PCLO: variants seen among roughly 807,000 people sequenced by gnomAD.
PCLO encodes the protein protein piccolo.
In PCLO, 82 loss-of-function variants were observed where a neutral mutation model predicts 427.5. That is an observed-to-expected ratio of 0.19 (90% CI 0.16 to 0.23). PCLO has a LOEUF of 0.23. Among genes scored for constraint, PCLO ranks in the 10% least tolerant of loss-of-function variants. The pLI is 1.00. For synonymous variants in PCLO, 2,357 were observed against 2,155.4 expected (o/e 1.09, Z -2.59); for missense variants, 6,239 against 6,115.9 (o/e 1.02, Z -0.67).
chr7:82,966,102 G>A lies in PCLO; in HGVS notation c.3686C>T (p.Ser1229Phe). 1 of 1,608,380 alleles carries A rather than the reference G, an allele frequency of 6.2e-7. No individual in the cohort carries two copies. The highest frequency in any genetic ancestry group is 8.5e-7 in the Non-Finnish European group (1 of 1,178,538). ...TTCTAGGAGTGGCTTTTTTTCTTCA[G>A]AACGTATCTTTTCTTCTTCAGGGAT... ...KLIPEEEKIRSEEKKPLLEEK... is the reference protein window; with the variant it reads ...KLIPEEEKIRFEEKKPLLEEK... Residue 1229 changes from serine to phenylalanine, a missense_variant, in exon 4 of 25, where the codon TCT becomes TTT. By Grantham distance (155) the Ser-to-Phe change is radical (BLOSUM62 -2). This residue lies in a region of PCLO where 4,677 missense variants were observed against 4,468.4 expected (regional missense o/e 1.05). Coordinates refer to ENST00000333891, the MANE Select transcript of PCLO (RefSeq NM_033026.6).
At chr7:82,851,703 G>A (rs1165697536) in intron 10 of PCLO, among the ~76,000 whole-genome samples, 1 of 151,732 alleles carries the variant, frequency 6.6e-6, no homozygotes, top group Non-Finnish European at 1.5e-5. Context: ...TATTAATCAC[G>A]ACTATAGGTT....
At chr7:82,940,621 A>C (rs1795059298) in intron 6 of PCLO, among the ~76,000 whole-genome samples, 1 of 152,052 alleles carries the variant, frequency 6.6e-6, no homozygotes, top group Non-Finnish European at 1.5e-5. Context: ...TTACTCCCTC[A>C]AGAGTTATTT....
At position 82,794,459 on chromosome 7, in the gene PCLO, C is replaced by CTTTTTTTT. The variant is rs778108792; in HGVS notation, c.15007+7051_15007+7058dup. On this transcript the variant is annotated intron_variant, in intron 22 of 24. Transcript: ENST00000333891. The stretch of plus-strand genomic sequence containing the variant: ...ACATGCTAGTTCATAAATTTTTTTT[C>CTTTTTTTT]TTTTTTTTTTTTTTTTTTTTTTTTT... Among the ~76,000 whole-genome samples, 16 of 56,360 alleles carry CTTTTTTTT rather than the reference C, an allele frequency of 2.8e-4. 1 individual carries two copies. The highest frequency in any genetic ancestry group is 5.9e-4 in the East Asian group (1 of 1,684). 37.0% of individuals were successfully genotyped at this position (56,360 alleles called of 152,430 possible). A position where few individuals can be genotyped will look rare whatever the true frequency, so the allele number is the denominator to read the frequency against.
chr7:83,017,057 A>T (rs887030055), intron 3 of PCLO, among the ~76,000 whole-genome samples: 5 of 152,132 alleles, frequency 3.3e-5, no homozygotes, highest in Admixed American at 6.6e-5. Flanking sequence ...GAAAGGGGAA[A>T]ATCTTTCCAA....
rs117904973 is a variant in PCLO at position 82,842,143 on chromosome 7, C to A, written c.14047-634G>T. 6.0e-4 allele frequency among the ~76,000 whole-genome samples: 92 copies of A among 152,206 alleles called. 4 individuals carry two copies. The East Asian group carries it at 0.017, about 29-fold the overall frequency. On this transcript the variant is annotated intron_variant, in intron 13 of 24. Transcript: ENST00000333891. ...TTATGCTACTTGATTTCAAAATCTA[C>A]TACAAAGCTATAGTAATCAAAGCAG... is the stretch of plus-strand genomic sequence containing the variant.
At chr7:82,972,789 G>C (rs946672540) in intron 3 of PCLO, among the ~76,000 whole-genome samples, 7 of 151,898 alleles carry the variant, frequency 4.6e-5, no homozygotes, top group Non-Finnish European at 1.0e-4. Context: ...ACTGGTTTTC[G>C]TTTATCTATT....
intron 6 of PCLO, among the ~76,000 whole-genome samples, chr7:82,942,016 T>A (rs1223967102): frequency 1.3e-5 from 2 of 152,030 alleles, no homozygotes; most frequent in African/African-American, 2.4e-5. Context: ...CTATCTCTAC[T>A]AAAAATACAA....
At position 82,950,566 on chromosome 7, in the gene PCLO, T is replaced by A; in HGVS notation, c.10022A>T (p.Tyr3341Phe). ...TTEQAILEGQ[Y>F]AALEGSQFWA... ...AAATTGACTGCCTTCCAGAGCAGCA[T>A]ACTGACCTTCCAAAATTGCCTGCTC... is the stretch of plus-strand genomic sequence containing the variant. The change falls in exon 6 of 25, where the codon TAT becomes TTT. Residue 3341 changes from tyrosine (Y) to phenylalanine (F), a missense_variant. Tyr to Phe is a conservative substitution (Grantham distance 22, BLOSUM62 3). Coordinates refer to ENST00000333891, the MANE Select transcript of PCLO (RefSeq NM_033026.6). 6.2e-7 allele frequency: 1 copy of A among 1,613,820 alleles called. No homozygotes were observed. The highest frequency in any genetic ancestry group is 1.1e-5 in the South Asian group (1 of 91,082).
rs114620544 is a variant in PCLO at position 82,904,941 on chromosome 7, T to C, written c.13438-2200A>G. Among the ~76,000 whole-genome samples the C allele has an allele frequency of 7.9e-3, 1,208 of 152,206 alleles. 22 individuals are homozygous for C. The highest frequency in any genetic ancestry group is 0.026 in the African/African-American group (1,094 of 41,550). On this transcript the variant is annotated intron_variant, in intron 8 of 24. Transcript: ENST00000333891. ...AAAGCTGCCATAATTATGATCAATA[T>C]GACCAAAAGTCTATCTGTCTTCCAT...
In PCLO at chr7:82,954,355, T is replaced by C. The variant is rs745771726; in HGVS notation, c.6598A>G (p.Ile2200Val). 1 of 1,613,844 alleles carries C rather than the reference T, an allele frequency of 6.2e-7. No individual in the cohort carries two copies. The highest frequency in any genetic ancestry group is 2.2e-5 in the East Asian group (1 of 44,862). ...SVCTTDSSSP[I>V]TTLDSITTVY... Reference sequence around the variant, plus strand: ...GTGGTTATGCTATCCAGGGTAGTAATGGGTGAAGAGCTATCTGTGGTACAG... The same window carrying C: ...GTGGTTATGCTATCCAGGGTAGTAACGGGTGAAGAGCTATCTGTGGTACAG... The change falls in exon 5 of 25, where the codon ATT becomes GTT. Residue 2200 changes from isoleucine to valine, a missense_variant. Coordinates refer to ENST00000333891, the MANE Select transcript of PCLO (RefSeq NM_033026.6).
intron 19 of PCLO, 135 bp downstream of exon 19, chr7:82,824,101 A>G (rs988422754): frequency 1.7e-6 from 1 of 587,532 alleles, no homozygotes; most frequent in African/African-American, 1.9e-5. Context: ...CACTCTTTGC[A>G]TGACATTATA....
At chr7:82,992,619 C>A (rs2115851406) in intron 3 of PCLO, among the ~76,000 whole-genome samples, 1 of 152,010 alleles carries the variant, frequency 6.6e-6, no homozygotes, top group Admixed American at 6.6e-5. Flanking sequence ...GGAAGGAGAG[C>A]ATTAGGACAA....
chr7:83,076,639 TG>T (rs1444916697), intron 3 of PCLO, among the ~76,000 whole-genome samples: 3,975 of 131,344 alleles, frequency 0.03, 182 homozygotes, highest in African/African-American at 0.1. Flanking sequence ...TTTTTTTTTT[TG>T]CAGTTTTTTT....
At chr7:82,972,321 C>T (rs1053129023) in intron 3 of PCLO, among the ~76,000 whole-genome samples, 2 of 152,006 alleles carry the variant, frequency 1.3e-5, no homozygotes, top group Non-Finnish European at 2.9e-5. Flanking sequence ...TGCCACTCAG[C>T]ATTTTTCCAT....
chr7:83,073,559 C>A (rs1360344609), intron 3 of PCLO, among the ~76,000 whole-genome samples: 1 of 151,836 alleles, frequency 6.6e-6, no homozygotes, highest in Non-Finnish European at 1.5e-5. Flanking sequence ...CTTCAATTAC[C>A]AAGAAAGAAC....
chr7:83,102,227 T>C (rs1412226221), intron 3 of PCLO, among the ~76,000 whole-genome samples: 2 of 151,958 alleles, frequency 1.3e-5, no homozygotes, highest in African/African-American at 4.8e-5. Context: ...AATTATCAAC[T>C]CCTGCAATTA....
chr7:82,856,830 C>T (rs1213672038), intron 10 of PCLO, among the ~76,000 whole-genome samples: 2 of 151,998 alleles, frequency 1.3e-5, no homozygotes, highest in African/African-American at 4.8e-5. Flanking sequence ...AATTTAATTG[C>T]CAATGTTATG....
chr7:82,820,394 A>C, intron 20 of PCLO: 1 of 465,042 alleles, frequency 2.2e-6, no homozygotes, highest in Non-Finnish European at 2.9e-6. Context: ...ATTAAAATCT[A>C]TTGCAACGAA....
At chr7:83,043,912 C>CTTTTTTTTTTTTTTTTTTTTTTTTTT (rs869061778) in intron 3 of PCLO, among the ~76,000 whole-genome samples, 2 of 94,910 alleles carry the variant, frequency 2.1e-5, no homozygotes, top group Admixed American at 1.4e-4. Flanking sequence ...CTATTATTTT[C>CTTTTTTTTTTTTTTTTTTTTTTTTTT]TTTTTTTTTT....
Sources: gnomAD v4.1 joint callset for allele counts (sites outside exome capture counted in the v4.1 genomes callset) on GRCh38, gnomAD v4.1.1 for gene constraint, gnomAD v4.1.1 regional missense constraint, MANE v1.5 for transcripts, NCBI Gene and HGNC (gene_info 2026-07-23, HGNC 2026-07-21) for gene names.